Variants in NR1I3 observed in about 807,000 individuals in gnomAD.
NR1I3 encodes nuclear receptor subfamily 1 group I member 3, also known as constitutive activator of retinoid response.
Under a neutral mutation model 38.4 loss-of-function variants are expected in NR1I3, and 30 were observed. That is an observed-to-expected ratio of 0.78 (90% CI 0.58 to 1.06). The LOEUF (loss-of-function observed/expected upper bound fraction) is 1.06. Among genes scored for constraint, NR1I3 ranks in the 50% least tolerant of loss-of-function variants. The pLI is 0.00. For missense variants in NR1I3, 388 were observed against 435.7 expected, an observed-to-expected ratio of 0.89 and a Z score of 0.97; for synonymous variants, 143 against 165.1, an observed-to-expected ratio of 0.87 and a Z score of 1.03.
Position 161,232,834 on chromosome 1 carries a change from TTGA to T in NR1I3, c.518_520del (p.Ile173del). The T allele has an allele frequency of 6.2e-7, 1 of 1,614,222 alleles. No homozygotes were observed. Among genetic ancestry groups the T allele is most frequent in the Non-Finnish European group, 8.5e-7 (1 of 1,180,032 alleles). ...GAAGACGGGCAGGTCCTTAGTAAAC[TTGA>T]TGACTTGCAGTACCATGAAAGTGTT... On this transcript the variant is annotated inframe_deletion, in exon 5 of 9. Coordinates refer to ENST00000367983, the MANE Select transcript of NR1I3 (RefSeq NM_005122.5).
chr1:161,236,442 G>A lies in NR1I3; in HGVS notation c.107+17C>T, dbSNP rs1668616035. 1 of 1,613,822 alleles carries A rather than the reference G, an allele frequency of 6.2e-7. No homozygotes were observed. Among genetic ancestry groups the A allele is most frequent in the South Asian group, 1.1e-5 (1 of 91,052 alleles). On this transcript the variant is annotated intron_variant, in intron 2 of 8. Coordinates refer to ENST00000367983, the MANE Select transcript of NR1I3 (RefSeq NM_005122.5). ...TTTGGTTTGGAGGGCTATTTCCATT[G>A]GGGAGGAGACTCTCACCTGAAGAAA...
chr1:161,235,519 C>G (rs1457231964), intron 3 of NR1I3: 1 of 234,852 alleles, frequency 4.3e-6, no homozygotes, highest in Non-Finnish European at 8.6e-6. Context: ...CCGCCTGCCT[C>G]GGCCTCCCAA....
chr1:161,231,116 C>G lies in NR1I3; in HGVS notation c.811+1G>C. On this transcript the variant is annotated splice_donor_variant, in intron 7 of 8. Transcript: ENST00000367983. LOFTEE classifies it high-confidence loss of function. ...GGCTCTGGGCTTTGGGAGGTGCTCA[C>G]CAGGAGAGAAGAGGGCCATGGCAGC... 6.2e-7 allele frequency: 1 copy of G among 1,614,098 alleles called. No homozygotes were observed.
In NR1I3 at chr1:161,230,795, C is replaced by G; in HGVS notation, c.917+18G>C. The G allele has an allele frequency of 6.2e-7, 1 of 1,613,980 alleles. No individual in the cohort carries two copies. Among genetic ancestry groups the G allele is most frequent in the Non-Finnish European group, 8.5e-7 (1 of 1,180,032 alleles). ...CCTGCCCTGGTGTGGCCTCCAAGCC[C>G]TCAGTGTCCCACCGTACCGATCCCG... On this transcript the variant is annotated intron_variant, in intron 8 of 8. Transcript: ENST00000367983.
At position 161,230,896 on chromosome 1, in the gene NR1I3, T is replaced by C. The variant is rs776791009; in HGVS notation, c.834A>G (p.Arg278=). The stretch of plus-strand genomic sequence containing the variant: ...CCTCTTGCAGCTGATCAATCTCATC[T>C]CTCTGGGTAACTCCAGGTCGGTCTG... The part of the protein sequence containing the change: ...FSPDRPGVTQ[R]DEIDQLQEEM... Residue 278 remains arginine, a synonymous_variant, in exon 8 of 9, where the codon AGA becomes AGG. Transcript: ENST00000367983. 1 of 1,614,020 alleles carries C rather than the reference T, an allele frequency of 6.2e-7. No homozygotes were observed. The highest frequency in any genetic ancestry group is 8.5e-7 in the Non-Finnish European group (1 of 1,180,002).
In NR1I3 at chr1:161,231,334, G is replaced by T; in HGVS notation, c.689C>A (p.Ala230Asp). 1 of 1,581,390 alleles carries T rather than the reference G, an allele frequency of 6.3e-7. No homozygotes were observed. Among genetic ancestry groups the T allele is most frequent in the East Asian group, 2.2e-5 (1 of 44,544 alleles). Residue 230 changes from alanine (A) to aspartate (D), a missense_variant, in exon 6 of 9, where the codon GCC (alanine) becomes GAC (aspartate). Physicochemically the swap from Ala to Asp is moderately radical, Grantham distance 126. Transcript: ENST00000367983. ...GPLRYTIEDG[A>D]RVGFQVEFLE... ...TTGCTCTAGCACCATCTCACCACGG[G>T]CTCCATCTTCAATTGTGTAGCGAAG... is the stretch of plus-strand genomic sequence containing the variant.
chr1:161,233,452 T>TG, intron 3 of NR1I3, 114 bp from the exon 4 acceptor site: 3 of 1,112,916 alleles, frequency 2.7e-6, no homozygotes, highest in Non-Finnish European at 3.9e-6. Flanking sequence ...ATGGGGGCAG[T>TG]GGGGGGAATT....
Position 161,235,993 on chromosome 1 carries a change from ATGT to A in NR1I3, c.108-19_108-17del, listed in dbSNP as rs1315870191. 3.1e-5 allele frequency: 49 copies of A among 1,573,232 alleles called. No homozygotes were observed. The highest frequency in any genetic ancestry group is 4.2e-5 in the Non-Finnish European group (49 of 1,160,966). On this transcript the variant is annotated splice_polypyrimidine_tract_variant and intron_variant, in intron 2 of 8. Transcript: ENST00000367983. ...GACTGTTCTCCTGTGAGACACAGAG[ATGT>A]TGTTAGAGTCTGGGATGCAATGGAT...
chr1:161,235,555 A>G (rs907769742), intron 3 of NR1I3: 4 of 306,836 alleles, frequency 1.3e-5, no homozygotes, highest in Non-Finnish European at 2.5e-5. Flanking sequence ...GGCGTGAGCC[A>G]CCGCGCCCGG....
intron 3 of NR1I3, 63 bp from the exon 4 acceptor site, chr1:161,233,401 T>C: frequency 6.4e-7 from 1 of 1,564,654 alleles, no homozygotes. Context: ...TCTCTGCTGG[T>C]CCCTGATCTG....
rs376099705 is a variant in NR1I3, at chr1:161,236,580, G to C, written c.-15C>G. On this transcript the variant is annotated 5_prime_UTR_variant, in exon 2 of 9. Coordinates refer to ENST00000367983, the MANE Select transcript of NR1I3 (RefSeq NM_005122.5). ...CTACTGGCCATGACGTCACGTGTTG[G>C]GGTGGCTGTCACAGACTCCTGAATG... 1.3e-5 allele frequency: 21 copies of C among 1,613,918 alleles called. No individual in the cohort carries two copies. The African/African-American group carries it at 1.3e-4, about 10-fold the overall frequency.
At chr1:161,235,646 T>A in intron 3 of NR1I3, 1 of 547,166 alleles carries the variant, frequency 1.8e-6, no homozygotes, top group Non-Finnish European at 3.2e-6. Flanking sequence ...AAATAAAGTC[T>A]GAAAGGTGTT....
In NR1I3 at chr1:161,229,768, G is replaced by C. The variant is rs1308466409; in HGVS notation, c.*29C>G. On this transcript the variant is annotated 3_prime_UTR_variant, in exon 9 of 9. Coordinates refer to ENST00000367983, the MANE Select transcript of NR1I3 (RefSeq NM_005122.5). ...CTCCAGTGTATCCAGGGTGTTCCAG[G>C]TGAGCTGGGGAAGGAAGTGAGCATG... is the stretch of plus-strand genomic sequence containing the variant. 6.2e-7 allele frequency: 1 copy of C among 1,614,206 alleles called. No homozygotes were observed. The highest frequency in any genetic ancestry group is 1.6e-4 in the Middle Eastern group (1 of 6,062).
rs770612151 is a variant in NR1I3 at position 161,235,801 on chromosome 1, GAC to G, written c.238+44_238+45del. 3 of 1,611,986 alleles carry G rather than the reference GAC, an allele frequency of 1.9e-6. No individual in the cohort carries two copies. The African/African-American group carries it at 4.0e-5, about 22-fold the overall frequency. On this transcript the variant is annotated intron_variant, in intron 3 of 8. Coordinates refer to ENST00000367983, the MANE Select transcript of NR1I3 (RefSeq NM_005122.5). ...ATGCACTGTTGGGAACAAGGACAAA[GAC>G]AGACGCAGTCAATGGATTCTTGAGA...
chr1:161,231,265 G>A (rs374252823), intron 6 of NR1I3, 32 bp from the exon 7 acceptor site: 4 of 1,613,802 alleles, frequency 2.5e-6, no homozygotes, highest in Non-Finnish European at 2.5e-6. Context: ...GGAGCCTCTA[G>A]GTCACCTGAC....
chr1:161,232,056 G>A (rs1033220899), intron 5 of NR1I3, among the ~76,000 whole-genome samples: 3 of 151,072 alleles, frequency 2.0e-5, no homozygotes, highest in South Asian at 2.1e-4. Context: ...GCCTGATCTC[G>A]GCTACAGCAA....
intron 6 of NR1I3, 33 bp from the exon 7 acceptor site, chr1:161,231,266 G>T: frequency 1.9e-6 from 3 of 1,613,918 alleles, no homozygotes; most frequent in Non-Finnish European, 2.5e-6. Context: ...GAGCCTCTAG[G>T]TCACCTGACC....
chr1:161,236,116 G>T, intron 2 of NR1I3, 139 bp from the exon 3 acceptor site: 1 of 923,298 alleles, frequency 1.1e-6, no homozygotes, highest in Non-Finnish European at 1.6e-6. Context: ...GGGGTGGATA[G>T]TATCCAACAC....
chr1:161,231,926 T>C (rs1667407934), intron 5 of NR1I3, among the ~76,000 whole-genome samples: 2 of 152,220 alleles, frequency 1.3e-5, no homozygotes, highest in South Asian at 4.1e-4. Context: ...CCTTCCAAAG[T>C]GCTGGGATTA....
Sources: gnomAD v4.1 joint callset for allele counts (sites outside exome capture counted in the v4.1 genomes callset) on GRCh38, gnomAD v4.1.1 for gene constraint, MANE v1.5 for transcripts, NCBI Gene and HGNC (gene_info 2026-07-23, HGNC 2026-07-21) for gene names.